Variants in TFG observed in about 807,000 individuals in gnomAD.
TFG encodes the protein trafficking from ER to golgi regulator.
TFG carries 22 observed loss-of-function variants against 51.4 expected under a neutral mutation model. The ratio of observed to expected loss-of-function variants is 0.43; its 90% CI spans 0.31 to 0.61. The LOEUF is 0.61. Ranked by LOEUF, TFG falls within the 20% of genes least tolerant of loss-of-function variation. The pLI, the probability that TFG is intolerant of heterozygous loss-of-function variation, is 0.12. For synonymous variants in TFG, 187 were observed against 165.6 expected, an observed-to-expected ratio of 1.13 and a Z score of -0.99; for missense variants, 419 against 487.7, an observed-to-expected ratio of 0.86 and a Z score of 1.33.
chr3:100,745,029 A>C (rs1279109791), intron 7 of TFG, 98 bp downstream of exon 7: 6 of 557,234 alleles, frequency 1.1e-5, no homozygotes, highest in Non-Finnish European at 1.9e-5. Context: ...ACATTGATAT[A>C]ATAGGTATTA....
rs923208873 is a variant in TFG, at chr3:100,713,502, C to T, written c.-43-141C>T. 1.5e-5 allele frequency: 6 copies of T among 393,276 alleles called. 1 individual carries two copies. In the South Asian group the frequency reaches 3.4e-4, roughly 23 times the overall value. The allele number at this position is 393,276 out of a possible 1,614,324, so 24.4% of individuals were successfully genotyped here. A position where few individuals can be genotyped will look rare whatever the true frequency, so the allele number is the denominator to read the frequency against. On this transcript the variant is annotated intron_variant, in intron 1 of 7. Coordinates refer to ENST00000240851, the MANE Select transcript of TFG (RefSeq NM_006070.6). ...TCCCTACAGTAAAATAATGTTGCCT[C>T]CAGACCATTTTAACATAAATATGGT...
intron 6 of TFG, chr3:100,742,865 A>G (rs1375738657): frequency 4.0e-5 from 6 of 150,860 alleles, no homozygotes; most frequent in South Asian, 2.1e-4. Context: ...TTCAAAATCA[A>G]TTTATAGCAG....
Position 100,736,576 on chromosome 3 carries a change from GGCC to G in TFG, c.582_584del (p.Pro196del), listed in dbSNP as rs1274662858. 4.3e-6 allele frequency: 7 copies of G among 1,613,526 alleles called. No homozygotes were observed. The highest frequency in any genetic ancestry group is 5.9e-6 in the Non-Finnish European group (7 of 1,179,814). On this transcript the variant is annotated inframe_deletion and splice_region_variant, in exon 6 of 8. Coordinates refer to ENST00000240851, the MANE Select transcript of TFG (RefSeq NM_006070.6). Reference sequence around the variant, plus strand: ...AACTGACTTTTTTTTGACTATCCAGGGCCACCCAGTGCTCCTGCAGAAGATCGT... The same window carrying G: ...AACTGACTTTTTTTTGACTATCCAGGACCCAGTGCTCCTGCAGAAGATCGT...
chr3:100,709,927 G>C (rs1054685410), intron 1 of TFG: 1 of 143,318 alleles, frequency 7.0e-6, no homozygotes, highest in African/African-American at 2.6e-5. Context: ...GCCTTGCATG[G>C]GGGGAGGGGA....
At chr3:100,747,359 AGGGT>A (rs2149099976) in intron 7 of TFG, 1 of 151,788 alleles carries the variant, frequency 6.6e-6, no homozygotes, top group East Asian at 1.9e-4. Flanking sequence ...TTTTTAATGC[AGGGT>A]TGTACATATT....
chr3:100,715,816 C>A (rs977269774), intron 2 of TFG, among the ~76,000 whole-genome samples: 2 of 151,826 alleles, frequency 1.3e-5, no homozygotes, highest in Non-Finnish European at 2.9e-5. Flanking sequence ...TAACTCCTGT[C>A]CCCAGGCAAT....
chr3:100,715,934 A>T (rs908979893), intron 2 of TFG, among the ~76,000 whole-genome samples: 22 of 149,194 alleles, frequency 1.5e-4, no homozygotes, highest in Admixed American at 4.0e-4. Context: ...TTTTTTTTTT[A>T]AATTTTGTTT....
chr3:100,725,138 C>T (rs887965750), intron 3 of TFG, among the ~76,000 whole-genome samples: 1 of 152,008 alleles, frequency 6.6e-6, no homozygotes, highest in Non-Finnish European at 1.5e-5. Context: ...GATCTCCTGA[C>T]CTTGTGATCT....
chr3:100,735,574 C>T lies in TFG; in HGVS notation c.581-1002C>T, dbSNP rs147807984. 1.1e-4 allele frequency among the ~76,000 whole-genome samples: 17 copies of T among 152,316 alleles called. 1 individual carries two copies. Among genetic ancestry groups the T allele is most frequent in the African/African-American group, 4.1e-4 (17 of 41,562 alleles). On this transcript the variant is annotated intron_variant, in intron 5 of 7. Coordinates refer to ENST00000240851, the MANE Select transcript of TFG (RefSeq NM_006070.6). Reference sequence around the variant, plus strand: ...GTTACACAGCTAGTGAGTGACAGCACTAGGATTTGAACCTGGGTAGTCTAG... The same window carrying T: ...GTTACACAGCTAGTGAGTGACAGCATTAGGATTTGAACCTGGGTAGTCTAG...
chr3:100,738,268 C>T (rs942047238), intron 6 of TFG, among the ~76,000 whole-genome samples: 3 of 152,164 alleles, frequency 2.0e-5, no homozygotes, highest in Non-Finnish European at 2.9e-5. Flanking sequence ...CTAGAACAAA[C>T]TAGAACTAAA....
rs752241457 is a variant in TFG, at chr3:100,748,503, A to C, written c.1175A>C (p.Tyr392Ser). The C allele has an allele frequency of 1.2e-6, 2 of 1,613,456 alleles. No homozygotes were observed. The highest frequency in any genetic ancestry group is 1.7e-6 in the Non-Finnish European group (2 of 1,179,524). ...AACCGTCCTCCCTTTGGTCAGGGCTATACCCAACCTGGACCTGGTTATCGA... is the reference window on the plus strand; with the variant it reads ...AACCGTCCTCCCTTTGGTCAGGGCTCTACCCAACCTGGACCTGGTTATCGA... ...ARNRPPFGQG[Y>S]TQPGPGYR Residue 392 changes from tyrosine (Y) to serine (S), a missense_variant, in exon 8 of 8, where the codon TAT becomes TCT. By Grantham distance (144) the Tyr-to-Ser change is moderately radical. Coordinates refer to ENST00000240851, the MANE Select transcript of TFG (RefSeq NM_006070.6).
intron 6 of TFG, among the ~76,000 whole-genome samples, chr3:100,737,018 T>C (rs1204164095): frequency 6.6e-6 from 1 of 152,228 alleles, no homozygotes; most frequent in Non-Finnish European, 1.5e-5. Context: ...ACTGGTGATT[T>C]CACACTTTAT....
At chr3:100,733,280 C>T (rs1217027554) in intron 5 of TFG, among the ~76,000 whole-genome samples, 1 of 152,012 alleles carries the variant, frequency 6.6e-6, no homozygotes, top group Non-Finnish European at 1.5e-5. Flanking sequence ...CATTAAGGTT[C>T]ATTTTTCTTC....
Position 100,748,181 on chromosome 3 carries a change from C to G in TFG, c.853C>G (p.Pro285Ala). The change falls in exon 8 of 8, where the codon CCT (proline) becomes GCT (alanine). Residue 285 changes from proline to alanine, a missense_variant. Physicochemically the swap from Pro to Ala is conservative, Grantham distance 27. This residue lies in a region of TFG where 391 missense variants were observed against 434.4 expected (regional missense o/e 0.90). Transcript: ENST00000240851. ...SYSQQTGPQQ[P>A]QQFQGYGQQP... Reference sequence around the variant, plus strand: ...TAGTCAGCAGACTGGACCTCAACAACCTCAGCAGTTCCAGGGATATGGCCA... The same window carrying G: ...TAGTCAGCAGACTGGACCTCAACAAGCTCAGCAGTTCCAGGGATATGGCCA... 1 of 1,614,086 alleles carries G rather than the reference C, an allele frequency of 6.2e-7. No homozygotes were observed. Among genetic ancestry groups the G allele is most frequent in the Non-Finnish European group, 8.5e-7 (1 of 1,179,970 alleles).
At chr3:100,735,848 AAG>A (rs2095104846) in intron 5 of TFG, among the ~76,000 whole-genome samples, 1 of 152,126 alleles carries the variant, frequency 6.6e-6, no homozygotes. Flanking sequence ...GCCCGGCCAA[AAG>A]AGTGCAGAGT....
At chr3:100,713,107 G>T (rs1324157305) in intron 1 of TFG, among the ~76,000 whole-genome samples, 1 of 152,216 alleles carries the variant, frequency 6.6e-6, no homozygotes, top group Non-Finnish European at 1.5e-5. Flanking sequence ...AGTGGGCAAA[G>T]GTAAAAAGCA....
At chr3:100,719,161 T>A (rs538566254) in intron 2 of TFG, among the ~76,000 whole-genome samples, 2 of 152,164 alleles carry the variant, frequency 1.3e-5, no homozygotes, top group Non-Finnish European at 2.9e-5. Context: ...AACTAATTAG[T>A]GTTAAAGTAG....
chr3:100,720,632 C>T (rs942667951), intron 3 of TFG, among the ~76,000 whole-genome samples: 1 of 152,232 alleles, frequency 6.6e-6, no homozygotes, highest in African/African-American at 2.4e-5. Flanking sequence ...ACTTAACCTC[C>T]TGCTGTGCTG....
chr3:100,739,499 C>T (rs771983068), intron 6 of TFG, among the ~76,000 whole-genome samples: 4 of 151,834 alleles, frequency 2.6e-5, no homozygotes, highest in African/African-American at 9.7e-5. Context: ...AGGAGAAGAA[C>T]GCTAAAAATC....
Sources: allele counts gnomAD v4.1 joint callset (sites outside exome capture counted in the v4.1 genomes callset), GRCh38; gene constraint gnomAD v4.1.1; regional missense constraint gnomAD v4.1.1; transcripts MANE v1.5; gene names NCBI Gene and HGNC (gene_info 2026-07-23, HGNC 2026-07-21).